RFTN2: variants seen among roughly 807,000 people sequenced by gnomAD.
RFTN2 encodes raftlin-2.
In RFTN2, 34 loss-of-function variants were observed where a neutral mutation model predicts 52.7. That is an observed-to-expected ratio of 0.64 (90% CI 0.49 to 0.86). The LOEUF (loss-of-function observed/expected upper bound fraction) is 0.86. Among genes scored for constraint, RFTN2 ranks in the 40% least tolerant of loss-of-function variants. The pLI is 0.00. For missense variants in RFTN2, 536 were observed against 600.1 expected (o/e 0.89, Z 1.12); for synonymous variants, 203 against 217.7 (o/e 0.93, Z 0.59).
intron 7 of RFTN2, among the ~76,000 whole-genome samples, chr2:197,612,856 T>C (rs189750921): frequency 2.6e-4 from 40 of 152,322 alleles, no homozygotes; most frequent in Middle Eastern, 3.4e-3. Context: ...CATTCAAGTA[T>C]GGCTTAGGTG....
intron 7 of RFTN2, among the ~76,000 whole-genome samples, chr2:197,605,276 C>G (rs927539505): frequency 1.3e-5 from 2 of 151,160 alleles, no homozygotes; most frequent in Non-Finnish European, 1.5e-5. Flanking sequence ...CTAGAGTGCA[C>G]GCAATCTCGG....
chr2:197,672,733 C>T (rs2089163909), intron 1 of RFTN2, among the ~76,000 whole-genome samples: 1 of 152,100 alleles, frequency 6.6e-6, no homozygotes, highest in South Asian at 2.1e-4. Context: ...AGTTTTCAGC[C>T]TAGATTCAGG....
chr2:197,643,676 T>C (rs1453523798), intron 3 of RFTN2, among the ~76,000 whole-genome samples: 1 of 152,212 alleles, frequency 6.6e-6, no homozygotes, highest in East Asian at 1.9e-4. Flanking sequence ...TGCAGATTTC[T>C]CTTTGATTCT....
chr2:197,596,037 A>C lies in RFTN2; in HGVS notation c.1187T>G (p.Phe396Cys). Residue 396 changes from phenylalanine to cysteine, a missense_variant, in exon 8 of 9, where the codon TTC becomes TGC. Physicochemically the swap from Phe to Cys is radical, Grantham distance 205. Transcript: ENST00000295049. Reference protein sequence around the residue: ...EGNLATKQIVFLQRPVMWNSA... With the variant: ...EGNLATKQIVCLQRPVMWNSA... ...ATTCCACATAACTGGCCTCTGAAGG[A>C]ATACGATCTGCTTTGTAGCCAAATT... The C allele has an allele frequency of 6.2e-7, 1 of 1,612,574 alleles. No homozygotes were observed. Among genetic ancestry groups the C allele is most frequent in the Non-Finnish European group, 8.5e-7 (1 of 1,178,830 alleles).
intron 1 of RFTN2, among the ~76,000 whole-genome samples, chr2:197,667,687 T>C (rs2089081181): frequency 6.6e-6 from 1 of 152,190 alleles, no homozygotes; most frequent in Non-Finnish European, 1.5e-5. Context: ...TCTGTATGAC[T>C]TATTTGGCTG....
intron 1 of RFTN2, among the ~76,000 whole-genome samples, chr2:197,659,477 TA>T (rs55804577): frequency 0.45 from 42,453 of 94,832 alleles, 7,886 homozygotes; most frequent in Middle Eastern, 0.54. Flanking sequence ...CTCCATCTCA[TA>T]AAAAAAAAAA....
At chr2:197,666,650 C>T (rs2089067164) in intron 1 of RFTN2, among the ~76,000 whole-genome samples, 1 of 152,188 alleles carries the variant, frequency 6.6e-6, no homozygotes, top group South Asian at 2.1e-4. Flanking sequence ...GTTTGGGGAT[C>T]TCAGAGTCTC....
intron 3 of RFTN2, among the ~76,000 whole-genome samples, chr2:197,641,598 T>G (rs1434865944): frequency 6.6e-6 from 1 of 152,232 alleles, no homozygotes; most frequent in African/African-American, 2.4e-5. Flanking sequence ...TTTCCATTTT[T>G]AAGTTGGAGG....
chr2:197,619,456 C>A (rs2088219757), intron 5 of RFTN2, among the ~76,000 whole-genome samples: 1 of 152,096 alleles, frequency 6.6e-6, no homozygotes, highest in South Asian at 2.1e-4. Context: ...CAACCCTGTG[C>A]TCTCTGAAAC....
At chr2:197,605,226 T>G (rs1021572368) in intron 7 of RFTN2, among the ~76,000 whole-genome samples, 4 of 147,160 alleles carry the variant, frequency 2.7e-5, no homozygotes, top group Admixed American at 2.7e-4. Context: ...ATTTGTTGGG[T>G]TTTTTTTTTT....
At chr2:197,575,889 TATATATA>T in intron 8 of RFTN2, among the ~76,000 whole-genome samples, 1 of 134,084 alleles carries the variant, frequency 7.5e-6, no homozygotes, top group East Asian at 2.0e-4. Flanking sequence ...TTATATATAA[TATATATA>T]ATATATATAT....
At chr2:197,625,475 G>C (rs1246325762) in intron 5 of RFTN2, among the ~76,000 whole-genome samples, 2 of 152,012 alleles carry the variant, frequency 1.3e-5, no homozygotes, top group Admixed American at 1.3e-4. Flanking sequence ...GGTGGGCCCG[G>C]GAGCATCTTT....
Position 197,665,517 on chromosome 2 carries a change from C to CTTTTTTTTTTTT in RFTN2, c.139+9791_139+9802dup. Among the ~76,000 whole-genome samples the CTTTTTTTTTTTT allele has an allele frequency of 1.7e-3, 69 of 41,418 alleles. 4 individuals are homozygous for CTTTTTTTTTTTT. Among genetic ancestry groups the CTTTTTTTTTTTT allele is most frequent in the African/African-American group, 9.4e-3 (66 of 7,024 alleles). The allele number at this position is 41,418 out of a possible 152,430, so 27.2% of individuals were successfully genotyped here. ...ATTCCTTTATCATTATGTACCTTGCCTTTTTTTTTTTTTTTTACTGTTTTC... is the reference window on the plus strand; with the variant it reads ...ATTCCTTTATCATTATGTACCTTGCCTTTTTTTTTTTTTTTTTTTTTTTTTTTTACTGTTTTC... On this transcript the variant is annotated intron_variant, in intron 1 of 8. Transcript: ENST00000295049.
At chr2:197,605,391 A>G (rs1312564527) in intron 7 of RFTN2, among the ~76,000 whole-genome samples, 2 of 151,874 alleles carry the variant, frequency 1.3e-5, no homozygotes, top group Non-Finnish European at 2.9e-5. Flanking sequence ...AATTTTTTGT[A>G]TTTTTAGTAG....
At chr2:197,618,024 A>G in intron 5 of RFTN2, 103 bp from the exon 6 acceptor site, 1 of 936,878 alleles carries the variant, frequency 1.1e-6, no homozygotes, top group Non-Finnish European at 1.5e-6. Context: ...AAGGAAAAAC[A>G]TTTCAATTAA....
intron 1 of RFTN2, among the ~76,000 whole-genome samples, chr2:197,653,739 C>CA (rs1459956390): frequency 6.6e-6 from 1 of 151,658 alleles, no homozygotes; most frequent in East Asian, 1.9e-4. Flanking sequence ...CTCAATTTAC[C>CA]AAAAAAAAGT....
chr2:197,648,809 T>G (rs1159859991), intron 1 of RFTN2, among the ~76,000 whole-genome samples: 2 of 152,242 alleles, frequency 1.3e-5, no homozygotes, highest in Non-Finnish European at 2.9e-5. Context: ...CCACTCTGTT[T>G]CATGCCACCA....
At chr2:197,616,121 C>T in intron 6 of RFTN2, 142 bp from the exon 7 acceptor site, 1 of 553,410 alleles carries the variant, frequency 1.8e-6, no homozygotes, top group Non-Finnish European at 3.3e-6. Context: ...TTCTGCTCTG[C>T]TTCCTTCTGA....
In RFTN2 at chr2:197,633,989, G is replaced by A. The variant is rs1449830615; in HGVS notation, c.447C>T (p.Val149=). 13 of 1,605,912 alleles carry A rather than the reference G, an allele frequency of 8.1e-6. No homozygotes were observed. The highest frequency in any genetic ancestry group is 2.7e-5 in the African/African-American group (2 of 74,568). Residue 149 remains valine (V), a synonymous_variant, in exon 4 of 9, where the codon GTC becomes GTT. Coordinates refer to ENST00000295049, the MANE Select transcript of RFTN2 (RefSeq NM_144629.3). ...CAAATTTCATTCCTCTTTTAGCAGC[G>A]ACATTAATCTGATATTTAAAAAGAG... The part of the protein sequence containing the change: ...AAKELIEKIN[V]AAKRGMKFVG...
Sources: allele counts gnomAD v4.1 joint callset (sites outside exome capture counted in the v4.1 genomes callset), GRCh38; gene constraint gnomAD v4.1.1; transcripts MANE v1.5; gene names NCBI Gene and HGNC (gene_info 2026-07-23, HGNC 2026-07-21).